The following RBPMS variants were observed in gnomAD, a reference collection of about 807,000 sequenced individuals.
RBPMS encodes the protein RNA binding protein, mRNA processing factor.
Under a neutral mutation model 26.8 loss-of-function variants are expected in RBPMS, and 7 were observed. The ratio of observed to expected loss-of-function variants is 0.26; its 90% CI spans 0.15 to 0.49. RBPMS has a LOEUF of 0.49. Ranked by LOEUF, RBPMS falls within the 20% of genes least tolerant of loss-of-function variation. The probability of loss-of-function intolerance (pLI) is 0.98; values close to 1 mark genes in which losing one functional copy is unlikely to be tolerated. For missense variants in RBPMS, 186 were observed against 250.0 expected, an observed-to-expected ratio of 0.74 and a Z score of 1.73; for synonymous variants, 96 against 93.3, an observed-to-expected ratio of 1.03 and a Z score of -0.17.
chr8:30,538,563 T>C (rs1001198802), intron 5 of RBPMS, among the ~76,000 whole-genome samples: 3 of 152,138 alleles, frequency 2.0e-5, no homozygotes, highest in Non-Finnish European at 2.9e-5. Context: ...GCAACAATCT[T>C]TTCATTAGCT....
At chr8:30,558,802 G>A (rs1224494430) in intron 6 of RBPMS, 85 bp from the exon 7 acceptor site, 12 of 1,115,070 alleles carry the variant, frequency 1.1e-5, no homozygotes, top group South Asian at 6.2e-5. Context: ...GAACAGTAGG[G>A]AAGTGGTAGC....
chr8:30,411,695 A>G (rs1415956581), intron 1 of RBPMS, among the ~76,000 whole-genome samples: 2 of 119,788 alleles, frequency 1.7e-5, no homozygotes, highest in Non-Finnish European at 3.5e-5. Flanking sequence ...GAAAAAGGAA[A>G]TGTTTAGGCC....
chr8:30,427,082 C>T (rs185095167), intron 1 of RBPMS, among the ~76,000 whole-genome samples: 10 of 152,294 alleles, frequency 6.6e-5, no homozygotes, highest in African/African-American at 1.7e-4. Flanking sequence ...TGAGCCACCA[C>T]GCCAGGCCGA....
At chr8:30,488,035 T>C (rs1028987618) in intron 4 of RBPMS, among the ~76,000 whole-genome samples, 2 of 152,166 alleles carry the variant, frequency 1.3e-5, no homozygotes, top group Non-Finnish European at 2.9e-5. Context: ...AGAAAAGCAG[T>C]TGGGTAGAAA....
chr8:30,487,137 G>C (rs1261955210), intron 4 of RBPMS, among the ~76,000 whole-genome samples: 1 of 152,216 alleles, frequency 6.6e-6, no homozygotes, highest in East Asian at 1.9e-4. Context: ...TTAGAACCAA[G>C]AAGTCTTAAT....
chr8:30,408,900 T>C (rs1192246518), intron 1 of RBPMS, among the ~76,000 whole-genome samples: 1 of 152,236 alleles, frequency 6.6e-6, no homozygotes, highest in African/African-American at 2.4e-5. Context: ...ATCTGCTTTT[T>C]TTCCTCTATG....
intron 5 of RBPMS, among the ~76,000 whole-genome samples, chr8:30,516,200 T>G (rs1373087616): frequency 1.3e-5 from 2 of 152,018 alleles, no homozygotes; most frequent in Non-Finnish European, 2.9e-5. Flanking sequence ...GCCAATATGG[T>G]GAAACCCAAT....
intron 1 of RBPMS, among the ~76,000 whole-genome samples, chr8:30,460,707 C>A (rs933024762): frequency 6.6e-6 from 1 of 152,128 alleles, no homozygotes; most frequent in African/African-American, 2.4e-5. Context: ...TGAAACCTCT[C>A]TTTTTAAAGG....
intron 1 of RBPMS, among the ~76,000 whole-genome samples, chr8:30,446,744 C>T (rs1340446490): frequency 6.6e-6 from 1 of 151,656 alleles, no homozygotes; most frequent in Non-Finnish European, 1.5e-5. Context: ...GATCTACCCA[C>T]CTCAGTCTCC....
intron 1 of RBPMS, chr8:30,387,267 G>A (rs1474786366): frequency 6.6e-6 from 1 of 152,158 alleles, no homozygotes; most frequent in African/African-American, 2.4e-5. Context: ...GTGAAGAGAG[G>A]GGGGTTTATA....
chr8:30,518,574 C>T (rs1388299562), intron 5 of RBPMS, among the ~76,000 whole-genome samples: 3 of 151,430 alleles, frequency 2.0e-5, no homozygotes, highest in Non-Finnish European at 2.9e-5. Context: ...TACAGTTGTG[C>T]GTCACCACGC....
intron 6 of RBPMS, among the ~76,000 whole-genome samples, chr8:30,546,930 T>C (rs1825912817): frequency 6.6e-6 from 1 of 152,210 alleles, no homozygotes; most frequent in African/African-American, 2.4e-5. Context: ...CTCCCAGGCC[T>C]GGCTCTTTCC....
At chr8:30,519,171 C>T (rs898111001) in intron 5 of RBPMS, among the ~76,000 whole-genome samples, 6 of 152,066 alleles carry the variant, frequency 3.9e-5, no homozygotes, top group Non-Finnish European at 8.8e-5. Flanking sequence ...TTTTCCATGG[C>T]TTGGGTTTTA....
At chr8:30,490,614 C>T (rs1475033849) in intron 4 of RBPMS, among the ~76,000 whole-genome samples, 1 of 152,168 alleles carries the variant, frequency 6.6e-6, no homozygotes, top group Non-Finnish European at 1.5e-5. Flanking sequence ...CGCGTGCCTC[C>T]ACGCCCGGCT....
chr8:30,438,353 G>C (rs912373019), intron 1 of RBPMS, among the ~76,000 whole-genome samples: 1 of 152,216 alleles, frequency 6.6e-6, no homozygotes, highest in Non-Finnish European at 1.5e-5. Context: ...CCTGTACAAT[G>C]AAGGAGACTG....
intron 1 of RBPMS, among the ~76,000 whole-genome samples, chr8:30,412,695 G>A (rs1042033023): frequency 1.3e-5 from 2 of 152,082 alleles, no homozygotes; most frequent in Admixed American, 6.6e-5. Context: ...CTGTATTGAG[G>A]AGGAGAGAAA....
intron 4 of RBPMS, among the ~76,000 whole-genome samples, chr8:30,494,581 G>T (rs1224824906): frequency 6.6e-6 from 1 of 152,232 alleles, no homozygotes; most frequent in East Asian, 1.9e-4. Context: ...AATCTAGGAA[G>T]TCAGACTCTT....
rs577002163 is a variant in RBPMS at position 30,501,958 on chromosome 8, C to A, written c.247-2328C>A. Among the ~76,000 whole-genome samples the A allele has an allele frequency of 2.6e-5, 4 of 152,118 alleles. No homozygotes were observed. In the East Asian group the frequency reaches 7.7e-4, roughly 29 times the overall value. ...CCCTCTTTTTTCTCCTCTTCATCATCCCTTAACATTTAAAATGTTTTTGGC... is the reference window on the plus strand; with the variant it reads ...CCCTCTTTTTTCTCCTCTTCATCATACCTTAACATTTAAAATGTTTTTGGC... On this transcript the variant is annotated intron_variant, in intron 4 of 8. Transcript: ENST00000397323.
At chr8:30,511,303 G>GAC (rs1821565392) in intron 5 of RBPMS, among the ~76,000 whole-genome samples, 1 of 151,430 alleles carries the variant, frequency 6.6e-6, no homozygotes, top group Admixed American at 6.6e-5. Flanking sequence ...GACAGAGCGA[G>GAC]ACTCTGCCTC....
Sources: gnomAD v4.1 joint callset for allele counts (sites outside exome capture counted in the v4.1 genomes callset) on GRCh38, gnomAD v4.1.1 for gene constraint, MANE v1.5 for transcripts, NCBI Gene and HGNC (gene_info 2026-07-23, HGNC 2026-07-21) for gene names.